MACF1: variants seen among roughly 807,000 people sequenced by gnomAD.
MACF1 encodes microtubule-actin cross-linking factor 1.
MACF1 carries 193 observed loss-of-function variants against 854.8 expected under a neutral mutation model. The ratio of observed to expected loss-of-function variants is 0.23; its 90% CI spans 0.20 to 0.25. The LOEUF (loss-of-function observed/expected upper bound fraction) is 0.25, where lower values mean the gene tolerates loss of function less well. Among genes scored for constraint, MACF1 ranks in the 10% least tolerant of loss-of-function variants. The pLI, the probability that MACF1 is intolerant of heterozygous loss-of-function variation, is 1.00. For synonymous variants in MACF1, 3,185 were observed against 3,226.7 expected (o/e 0.99, Z 0.44); for missense variants, 7,722 against 8,929.1 (o/e 0.86, Z 5.45).
chr1:39,184,317 C>T lies in MACF1; in HGVS notation c.221-46865C>T, dbSNP rs554106748. 2.6e-5 allele frequency among the ~76,000 whole-genome samples: 4 copies of T among 152,228 alleles called. No individual in the cohort carries two copies. The South Asian group carries it at 8.3e-4, about 32-fold the overall frequency. On this transcript the variant is annotated intron_variant, in intron 2 of 93. Coordinates refer to the MACF1 transcript ENST00000361689. ...GCCTCAGTTCTATAGCTAGCAGGGT[C>T]TGTGTCTTGGAAATGAGCCTCACAT...
intron 37 of MACF1, 95 bp from the exon 38 acceptor site, chr1:39,337,087 T>C (rs1646824301): frequency 1.0e-5 from 12 of 1,166,418 alleles, no homozygotes; most frequent in Non-Finnish European, 1.3e-5. Context: ...GCAGTAAAAA[T>C]TGCTTCTATT....
chr1:39,367,164 C>T (rs907196663), intron 49 of MACF1, among the ~76,000 whole-genome samples: 1 of 151,988 alleles, frequency 6.6e-6, no homozygotes, highest in Non-Finnish European at 1.5e-5. Flanking sequence ...CCAGCCTGAT[C>T]ATGAACTCCT....
At chr1:39,169,911 C>G (rs1404658696) in intron 2 of MACF1, among the ~76,000 whole-genome samples, 1 of 151,308 alleles carries the variant, frequency 6.6e-6, no homozygotes, top group Non-Finnish European at 1.5e-5. Context: ...GTAGCTGGGA[C>G]TACAGGCACC....
intron 42 of MACF1, 34 bp from the exon 43 acceptor site, chr1:39,350,751 G>T (rs775419320): frequency 6.5e-7 from 1 of 1,533,552 alleles, no homozygotes; most frequent in African/African-American, 1.4e-5. Flanking sequence ...CACTAAAGTC[G>T]AAGGCTCTGC....
chr1:39,352,870 G>A (rs1647235271), intron 43 of MACF1, 137 bp from the exon 44 acceptor site: 1 of 482,302 alleles, frequency 2.1e-6, no homozygotes, highest in Non-Finnish European at 3.7e-6. Context: ...ATTCTCTTTT[G>A]TATGTGCAAA....
chr1:39,169,773 C>CTTTTT (rs11335031), intron 2 of MACF1, among the ~76,000 whole-genome samples: 3 of 97,498 alleles, frequency 3.1e-5, no homozygotes, highest in African/African-American at 4.3e-5. Context: ...TTCTTTCTTT[C>CTTTTT]TTTTTTTTTT....
At position 39,250,081 on chromosome 1, in the gene MACF1, A is replaced by T; in HGVS notation, c.239A>T (p.Glu80Val). 6.2e-7 allele frequency: 1 copy of T among 1,613,178 alleles called. No individual in the cohort carries two copies. Among genetic ancestry groups the T allele is most frequent in the Non-Finnish European group, 8.5e-7 (1 of 1,179,278 alleles). ...GGCCATAACCTGATCTCTCTGTTGG[A>T]GGTCCTCTCAGGCATCAAACTGGTG... is the stretch of plus-strand genomic sequence containing the variant. Reference protein sequence around the residue: ...RDGHNLISLLEVLSGIKLEPA... With the variant: ...RDGHNLISLLVVLSGIKLEPA... The change falls in exon 3 of 101, where the codon GAG becomes GTG. Residue 80 changes from glutamate (E) to valine (V), a missense_variant. Transcript: ENST00000564288.
At chr1:39,477,090 T>TACATATATAC (rs1644913853) in intron 97 of MACF1, among the ~76,000 whole-genome samples, 1 of 26,256 alleles carries the variant, frequency 3.8e-5, no homozygotes, top group East Asian at 1.4e-3. Context: ...TATATATATA[T>TACATATATAC]ACACACACAC....
At chr1:39,176,278 CA>C (rs11406287) in intron 2 of MACF1, among the ~76,000 whole-genome samples, 43 of 139,800 alleles carry the variant, frequency 3.1e-4, no homozygotes, top group Admixed American at 2.9e-4. Context: ...ACTCTGTCTC[CA>C]AAAAAAAAAA....
chr1:39,100,864 ATAAAT>A (rs979771360), intron 2 of MACF1, among the ~76,000 whole-genome samples: 42 of 152,200 alleles, frequency 2.8e-4, no homozygotes, highest in East Asian at 5.8e-4. Flanking sequence ...AAATAAATAA[ATAAAT>A]TAAATTAAAT....
At chr1:39,260,901 A>G (rs1190869265) in intron 6 of MACF1, among the ~76,000 whole-genome samples, 1 of 152,084 alleles carries the variant, frequency 6.6e-6, no homozygotes, top group African/African-American at 2.4e-5. Context: ...TTTCCTACAC[A>G]CACAGAGATC....
Position 39,430,768 on chromosome 1 carries a change from C to G in MACF1, c.17197C>G (p.Leu5733Val), listed in dbSNP as rs1214364161. The change falls in exon 66 of 101, where the codon CTC becomes GTC. Residue 5733 changes from leucine to valine, a missense_variant. This residue lies in a region of MACF1 where 2,807 missense variants were observed against 3,235.8 expected (regional missense o/e 0.87). Coordinates refer to ENST00000564288, the MANE Select transcript of MACF1 (RefSeq NM_001394062.1). ...CACAGTGAATGAGGTGAGCCGTGCT[C>G]TCTTAGAGCTGGTGCCCTGGAGAGC... ...LDTVNEVSRA[L>V]LELVPWRARE... 3.7e-6 allele frequency: 6 copies of G among 1,612,270 alleles called. No individual in the cohort carries two copies. The African/African-American group carries it at 8.0e-5, about 22-fold the overall frequency.
chr1:39,203,197 T>C (rs1029121952), upstream of MACF1, among the ~76,000 whole-genome samples: 4 of 152,192 alleles, frequency 2.6e-5, no homozygotes, highest in African/African-American at 9.7e-5. Flanking sequence ...CATAGTGTAA[T>C]AGGTACTTTA....
chr1:39,185,220 A>T (rs636191), intron 2 of MACF1, among the ~76,000 whole-genome samples: 5,326 of 150,142 alleles, frequency 0.035, 254 homozygotes, highest in African/African-American at 0.11. Flanking sequence ...TGTACCTGGG[A>T]GGTGGAGCTT....
At chr1:39,180,517 G>A (rs1644090488) in intron 2 of MACF1, among the ~76,000 whole-genome samples, 1 of 152,192 alleles carries the variant, frequency 6.6e-6, no homozygotes, top group Admixed American at 6.5e-5. Flanking sequence ...CGGGGAGGCT[G>A]AGACAGGAGA....
chr1:39,139,770 TTAAAAG>T (rs1174393695), intron 2 of MACF1, among the ~76,000 whole-genome samples: 1 of 152,178 alleles, frequency 6.6e-6, no homozygotes, highest in African/African-American at 2.4e-5. Context: ...AGAAATACAC[TTAAAAG>T]TAATAGTAAT....
At chr1:39,209,844 T>G (rs1644495500) in intron 1 of MACF1, among the ~76,000 whole-genome samples, 2 of 152,142 alleles carry the variant, frequency 1.3e-5, no homozygotes, top group Admixed American at 1.3e-4. Flanking sequence ...ATCCTAGCAC[T>G]TTGGGAGGTC....
Position 39,463,692 on chromosome 1 carries a change from G to A in MACF1, c.21753+6G>A, listed in dbSNP as rs1223897702. ...TCGGAGAGAATAAATACCGGGTAAG[G>A]AAGAGAAAAAGCAGTCCTTTGTTGT... On this transcript the variant is annotated splice_donor_region_variant and intron_variant, in intron 94 of 100. Coordinates refer to ENST00000564288, the MANE Select transcript of MACF1 (RefSeq NM_001394062.1). The A allele has an allele frequency of 1.2e-6, 2 of 1,611,628 alleles. No homozygotes were observed. The highest frequency in any genetic ancestry group is 2.2e-5 in the South Asian group (2 of 91,048).
chr1:39,336,346 G>A lies in MACF1; in HGVS notation c.9758G>A (p.Gly3253Glu). Residue 3253 changes from glycine (G) to glutamate (E), a missense_variant, in exon 37 of 101, where the codon GGA becomes GAA. By Grantham distance (98) the Gly-to-Glu change is moderately conservative. This residue lies in a region of MACF1 where 854 missense variants were observed against 852.6 expected (regional missense o/e 1.00). Transcript: ENST00000564288. ...CCTAATGTTGCAGGTCTAGAAGCAG[G>A]ATCCATTGAGGACATAGTGACTCAG... is the stretch of plus-strand genomic sequence containing the variant. ...ANPNVAGLEA[G>E]SIEDIVTQRG... 1 of 1,614,196 alleles carries A rather than the reference G, an allele frequency of 6.2e-7. No homozygotes were observed. The highest frequency in any genetic ancestry group is 1.3e-5 in the African/African-American group (1 of 75,054).
Sources: gnomAD v4.1 joint callset for allele counts (sites outside exome capture counted in the v4.1 genomes callset) on GRCh38, gnomAD v4.1.1 for gene constraint, gnomAD v4.1.1 regional missense constraint, MANE v1.5 for transcripts, NCBI Gene and HGNC (gene_info 2026-07-23, HGNC 2026-07-21) for gene names.